The following RARRES1 variants were observed in gnomAD, a reference collection of about 807,000 sequenced individuals.
RARRES1 encodes the protein retinoic acid receptor responder protein 1.
In RARRES1, 34 loss-of-function variants were observed where a neutral mutation model predicts 30.6. The observed-to-expected ratio is 1.11, with a 90% CI of 0.84 to 1.48. The LOEUF (loss-of-function observed/expected upper bound fraction) is 1.48. Among genes scored for constraint, RARRES1 ranks in the 40% most tolerant of loss-of-function variants. RARRES1 has a pLI of 0.00. For missense variants in RARRES1, 373 were observed against 386.5 expected (o/e 0.97, Z 0.29); for synonymous variants, 153 against 155.5 (o/e 0.98, Z 0.12).
rs376597990 is a variant in RARRES1, at chr3:158,728,616, C to T, written c.276+3524G>A. ...TTTGCTCACTGCAACCTCTGCCTCCCGGGTTCAAGTGATTCTCATGCCTCA... is the reference window on the plus strand; with the variant it reads ...TTTGCTCACTGCAACCTCTGCCTCCTGGGTTCAAGTGATTCTCATGCCTCA... On this transcript the variant is annotated intron_variant, in intron 1 of 5. Transcript: ENST00000237696. 3.4e-4 allele frequency among the ~76,000 whole-genome samples: 51 copies of T among 151,454 alleles called. No homozygotes were observed. The South Asian group carries it at 9.6e-3, about 28-fold the overall frequency.
intron 1 of RARRES1, among the ~76,000 whole-genome samples, chr3:158,726,286 T>C (rs548923193): frequency 3.8e-4 from 58 of 152,312 alleles, no homozygotes; most frequent in African/African-American, 1.4e-3. Flanking sequence ...AGAGCAGTAA[T>C]TAAATTATGT....
intron 2 of RARRES1, among the ~76,000 whole-genome samples, chr3:158,713,432 C>T (rs1452791495): frequency 6.6e-6 from 1 of 152,114 alleles, no homozygotes; most frequent in African/African-American, 2.4e-5. Context: ...CCAGAAATGT[C>T]ACCCTCTGAC....
intron 3 of RARRES1, among the ~76,000 whole-genome samples, chr3:158,706,752 A>G (rs1004358463): frequency 6.6e-6 from 1 of 152,232 alleles, no homozygotes; most frequent in South Asian, 2.1e-4. Flanking sequence ...CAACTCTAGG[A>G]GAATAGTAAT....
At chr3:158,722,140 G>A (rs1727538369) in intron 1 of RARRES1, among the ~76,000 whole-genome samples, 1 of 149,302 alleles carries the variant, frequency 6.7e-6, no homozygotes, top group Non-Finnish European at 1.5e-5. Flanking sequence ...AAGGCAGTTT[G>A]GACTAAAATA....
At chr3:158,731,072 C>T (rs547258499) in intron 1 of RARRES1, among the ~76,000 whole-genome samples, 5 of 152,302 alleles carry the variant, frequency 3.3e-5, no homozygotes, top group African/African-American at 7.2e-5. Flanking sequence ...CGTGAGCCAC[C>T]GTGCCTGGCC....
chr3:158,697,601 T>G lies in RARRES1; in HGVS notation c.*77A>C, dbSNP rs1726586646. Reference sequence around the variant, plus strand: ...CCAAATTATTAGAATGTCTATACCTTAGCTGTTTTACTAGAAGAATGATTT... The same window carrying G: ...CCAAATTATTAGAATGTCTATACCTGAGCTGTTTTACTAGAAGAATGATTT... On this transcript the variant is annotated 3_prime_UTR_variant, in exon 6 of 6. Coordinates refer to ENST00000237696, the MANE Select transcript of RARRES1 (RefSeq NM_206963.2). 1.4e-6 allele frequency: 2 copies of G among 1,402,492 alleles called. No homozygotes were observed. The highest frequency in any genetic ancestry group is 4.6e-5 in the East Asian group (2 of 43,628). The allele number at this position is 1,402,492 out of a possible 1,614,324, so 86.9% of individuals were successfully genotyped here.
At chr3:158,707,249 G>A (rs974572870) in intron 3 of RARRES1, among the ~76,000 whole-genome samples, 6 of 152,212 alleles carry the variant, frequency 3.9e-5, no homozygotes, top group African/African-American at 1.4e-4. Context: ...TGATCTGGGT[G>A]GTCCCTTTAT....
chr3:158,725,118 C>T (rs1709464757), intron 1 of RARRES1, among the ~76,000 whole-genome samples: 1 of 152,230 alleles, frequency 6.6e-6, no homozygotes, highest in East Asian at 1.9e-4. Context: ...GCCAACATGC[C>T]CGGCGAAGAT....
intron 1 of RARRES1, among the ~76,000 whole-genome samples, chr3:158,729,719 T>C (rs1445459604): frequency 2.0e-5 from 3 of 152,084 alleles, no homozygotes; most frequent in Non-Finnish European, 2.9e-5. Context: ...CCCAAAGTGC[T>C]GAGATTACAG....
At chr3:158,714,658 A>G (rs1043096081) in intron 1 of RARRES1, among the ~76,000 whole-genome samples, 1 of 152,240 alleles carries the variant, frequency 6.6e-6, no homozygotes. Flanking sequence ...TAGAATATAC[A>G]TATCTATGTC....
At chr3:158,706,683 AGG>A (rs1057191995) in intron 3 of RARRES1, among the ~76,000 whole-genome samples, 4 of 152,228 alleles carry the variant, frequency 2.6e-5, no homozygotes, top group Non-Finnish European at 5.9e-5. Context: ...CAGGCTTGAT[AGG>A]AAATGGCAAG....
chr3:158,728,643 C>T (rs1370196565), intron 1 of RARRES1, among the ~76,000 whole-genome samples: 1 of 151,710 alleles, frequency 6.6e-6, no homozygotes, highest in Admixed American at 6.6e-5. Context: ...CATGCCTCAG[C>T]CTCCTGTGTA....
At chr3:158,708,080 C>T (rs1005978794) in intron 3 of RARRES1, among the ~76,000 whole-genome samples, 19 of 152,116 alleles carry the variant, frequency 1.2e-4, no homozygotes, top group African/African-American at 2.2e-4. Context: ...CAGCATTTCA[C>T]GAATGAATTT....
At chr3:158,706,158 A>G (rs572519183) in intron 3 of RARRES1, among the ~76,000 whole-genome samples, 36 of 152,338 alleles carry the variant, frequency 2.4e-4, no homozygotes, top group African/African-American at 8.2e-4. Context: ...AGGTAATTCA[A>G]ACAGCATTCA....
intron 1 of RARRES1, among the ~76,000 whole-genome samples, chr3:158,728,282 C>G (rs1238288253): frequency 6.6e-6 from 1 of 151,808 alleles, no homozygotes; most frequent in African/African-American, 2.4e-5. Flanking sequence ...TTGAAAAACC[C>G]TGACTTCATC....
intron 1 of RARRES1, among the ~76,000 whole-genome samples, chr3:158,722,899 AT>A (rs1727563484): frequency 1.3e-5 from 2 of 151,190 alleles, no homozygotes; most frequent in African/African-American, 2.4e-5. Flanking sequence ...AAAAAAAAAA[AT>A]CTAACATCCC....
intron 4 of RARRES1, among the ~76,000 whole-genome samples, chr3:158,700,605 A>G (rs187962114): frequency 8.7e-4 from 132 of 152,324 alleles, no homozygotes; most frequent in African/African-American, 3.0e-3. Context: ...GCTTATTTAA[A>G]AAAATGCAGA....
Position 158,704,785 on chromosome 3 carries a change from T to C in RARRES1, c.672+6A>G. Reference sequence around the variant, plus strand: ...TGGCACAAGTTAATTTTCAGGTTTTTCTTACCCACTGCCTCACACTAGTGA... The same window carrying C: ...TGGCACAAGTTAATTTTCAGGTTTTCCTTACCCACTGCCTCACACTAGTGA... On this transcript the variant is annotated splice_donor_region_variant and intron_variant, in intron 4 of 5. Transcript: ENST00000237696. 1 of 1,610,808 alleles carries C rather than the reference T, an allele frequency of 6.2e-7. No individual in the cohort carries two copies. The highest frequency in any genetic ancestry group is 8.5e-7 in the Non-Finnish European group (1 of 1,178,738).
At chr3:158,730,367 C>CCTTA (rs1559876976) in intron 1 of RARRES1, among the ~76,000 whole-genome samples, 1 of 46,756 alleles carries the variant, frequency 2.1e-5, no homozygotes, top group Non-Finnish European at 4.6e-5. Flanking sequence ...ATAGGTTGCT[C>CCTTA]CTTCCTTCCT....
Sources: gnomAD v4.1 joint callset for allele counts (sites outside exome capture counted in the v4.1 genomes callset) on GRCh38, gnomAD v4.1.1 for gene constraint, MANE v1.5 for transcripts, NCBI Gene and HGNC (gene_info 2026-07-23, HGNC 2026-07-21) for gene names.